Variants in SLC24A1 observed in about 807,000 individuals in gnomAD.
SLC24A1 encodes solute carrier family 24 member 1.
In SLC24A1, 52 loss-of-function variants were observed where a neutral mutation model predicts 88.1. That is an observed-to-expected ratio of 0.59 (90% CI 0.47 to 0.74). The LOEUF (loss-of-function observed/expected upper bound fraction) is 0.74. SLC24A1 is among the 30% of genes least tolerant of loss of function. The probability of loss-of-function intolerance (pLI) is 0.00; values close to 1 mark genes in which losing one functional copy is unlikely to be tolerated. For missense variants in SLC24A1, 1,173 were observed against 1,363.3 expected, an observed-to-expected ratio of 0.86 and a Z score of 2.20; for synonymous variants, 455 against 498.0, an observed-to-expected ratio of 0.91 and a Z score of 1.15.
rs2075442299 is a variant in SLC24A1 at position 65,650,062 on chromosome 15, G to A, written c.2233-320G>A. Among the ~76,000 whole-genome samples the A allele has an allele frequency of 6.6e-6, 1 of 152,182 alleles. No homozygotes were observed. The highest frequency in any genetic ancestry group is 1.5e-5 in the Non-Finnish European group (1 of 68,032). On this transcript the variant is annotated intron_variant, in intron 6 of 9. Coordinates refer to ENST00000261892, the MANE Select transcript of SLC24A1 (RefSeq NM_004727.3). This position sits in a 1 kb window ranked among gnomAD's most constrained non-coding sequence, Gnocchi z 4.1. ...TCATGGAAGACTGATGTTTTGTAAG[G>A]CATCAAAGAGTAAACCTATACATGG...
At position 65,654,777 on chromosome 15, in the gene SLC24A1, C is replaced by A; in HGVS notation, c.*698C>A. The A allele has an allele frequency of 9.3e-7, 1 of 1,078,640 alleles. No homozygotes were observed. 66.8% of individuals were successfully genotyped at this position (1,078,640 alleles called of 1,614,324 possible). A position where few individuals can be genotyped will look rare whatever the true frequency, so the allele number is the denominator to read the frequency against. On this transcript the variant is annotated 3_prime_UTR_variant, in exon 10 of 10. Transcript: ENST00000261892. ...CTGGTGTGCAATGGCGTGATCTCGG[C>A]ACACCACAACCTTCACCTCCCCGGT...
intron 2 of SLC24A1, 31 bp downstream of exon 2, chr15:65,626,001 C>A (rs1176969082): frequency 6.6e-7 from 1 of 1,525,976 alleles, no homozygotes; most frequent in Admixed American, 1.7e-5. Context: ...GTTTCTCTAG[C>A]CCCTTTGAGA....
At chr15:65,653,446 G>C (rs192432528) in intron 9 of SLC24A1, among the ~76,000 whole-genome samples, 1 of 151,280 alleles carries the variant, frequency 6.6e-6, no homozygotes, top group South Asian at 2.1e-4. Flanking sequence ...AAAATGTAGA[G>C]ATTTAAGAGT....
chr15:65,621,234 G>A (rs939550945), upstream of SLC24A1, among the ~76,000 whole-genome samples: 1 of 152,198 alleles, frequency 6.6e-6, no homozygotes, highest in African/African-American at 2.4e-5. Flanking sequence ...GATTGAAAGG[G>A]CTTCCAGATC....
chr15:65,634,737 C>A (rs1275021032), intron 2 of SLC24A1, among the ~76,000 whole-genome samples: 7 of 48,184 alleles, frequency 1.5e-4, no homozygotes, highest in Non-Finnish European at 2.0e-4. Context: ...AAATCAAAAG[C>A]ACCAAAAAAA....
intron 8 of SLC24A1, chr15:65,652,351 G>A: frequency 3.0e-6 from 1 of 331,610 alleles, no homozygotes; most frequent in South Asian, 4.3e-5. Flanking sequence ...GGGGAGGTAG[G>A]GGTGTTAAGA....
rs2074135055 is a variant in SLC24A1 at position 65,616,102 on chromosome 15, C to T, written c.-227-2778C>T. The stretch of plus-strand genomic sequence containing the variant: ...CATAGTATTCCATGGTGTATATGTG[C>T]CACATTTTCTTAATCCAGTCTATCA... On this transcript the variant is annotated intron_variant, in intron 2 of 11. Coordinates refer to the SLC24A1 transcript ENST00000537259. 2.0e-5 allele frequency among the ~76,000 whole-genome samples: 3 copies of T among 151,956 alleles called. No homozygotes were observed. In the South Asian group the frequency reaches 6.2e-4, roughly 32 times the overall value.
chr15:65,628,026 T>G (rs2074579004), intron 2 of SLC24A1, among the ~76,000 whole-genome samples: 1 of 152,074 alleles, frequency 6.6e-6, no homozygotes, highest in South Asian at 2.1e-4. Context: ...ACTGGTGCAC[T>G]CATAGCTCAC....
chr15:65,628,527 C>G (rs1300944909), intron 2 of SLC24A1, among the ~76,000 whole-genome samples: 2 of 152,196 alleles, frequency 1.3e-5, no homozygotes, highest in African/African-American at 4.8e-5. Context: ...TACGGAGAGC[C>G]TATTCCATAC....
intron 4 of SLC24A1, 127 bp from the exon 5 acceptor site, chr15:65,644,300 C>G (rs1301495418): frequency 9.7e-6 from 7 of 718,040 alleles, no homozygotes; most frequent in Non-Finnish European, 1.8e-5. Flanking sequence ...GTCACAACCC[C>G]CATGGCAGCC....
chr15:65,612,755 C>T (rs2074003450), intron 2 of SLC24A1: 2 of 152,206 alleles, frequency 1.3e-5, no homozygotes, highest in African/African-American at 2.4e-5. Flanking sequence ...TTACTGTCCT[C>T]GTGGTAATTC....
Position 65,625,712 on chromosome 15 carries a change from C to T in SLC24A1, c.1632C>T (p.Ser544=), listed in dbSNP as rs1282167810. Reference sequence around the variant, plus strand: ...TTCTCTTTGTCATTGGCACTTGTTCCCTCTTCTCCCGAGAGATCCTCAACC... The same window carrying T: ...TTCTCTTTGTCATTGGCACTTGTTCTCTCTTCTCCCGAGAGATCCTCAACC... ...FNILFVIGTC[S]LFSREILNLT... Residue 544 remains serine (S), a synonymous_variant, in exon 2 of 10, where the codon TCC becomes TCT. Coordinates refer to ENST00000261892, the MANE Select transcript of SLC24A1 (RefSeq NM_004727.3). 1.2e-6 allele frequency: 2 copies of T among 1,613,902 alleles called. No homozygotes were observed. Among genetic ancestry groups the T allele is most frequent in the South Asian group, 1.1e-5 (1 of 91,084 alleles).
chr15:65,639,774 C>A (rs2075063604), intron 4 of SLC24A1, 71 bp downstream of exon 4: 1 of 989,520 alleles, frequency 1.0e-6, no homozygotes, highest in African/African-American at 1.6e-5. Flanking sequence ...TGGAGAAGAA[C>A]TGGGACCTGA....
At chr15:65,640,153 G>T (rs1182753137) in intron 4 of SLC24A1, among the ~76,000 whole-genome samples, 3 of 152,152 alleles carry the variant, frequency 2.0e-5, no homozygotes, top group Non-Finnish European at 4.4e-5. Context: ...GACGCCTCTT[G>T]TAGGGTCCCA....
downstream of SLC24A1, among the ~76,000 whole-genome samples, chr15:65,656,982 G>C (rs984836371): frequency 6.6e-6 from 1 of 152,068 alleles, no homozygotes; most frequent in East Asian, 1.9e-4. Flanking sequence ...CGATCCTCCC[G>C]CCTCAGCCCC....
intron 2 of SLC24A1, among the ~76,000 whole-genome samples, chr15:65,627,897 C>T (rs761207072): frequency 1.3e-5 from 2 of 152,328 alleles, no homozygotes; most frequent in African/African-American, 2.4e-5. Flanking sequence ...TTAGTAGCAA[C>T]TCCTTGCCAA....
chr15:65,658,244 A>G (rs958442797), downstream of SLC24A1: 2 of 152,270 alleles, frequency 1.3e-5, no homozygotes, highest in African/African-American at 4.8e-5. Flanking sequence ...GACACCAAGT[A>G]CTAAGGATAT....
chr15:65,611,576 C>T (rs1223361123), exon 1 of SLC24A1: 2 of 232,160 alleles, frequency 8.6e-6, no homozygotes, highest in Non-Finnish European at 1.7e-5. Flanking sequence ...TTCCTCGTCA[C>T]TCTTTAGCCC....
intron 6 of SLC24A1, among the ~76,000 whole-genome samples, chr15:65,648,317 C>T (rs1220460102): frequency 6.6e-6 from 1 of 152,112 alleles, no homozygotes; most frequent in East Asian, 1.9e-4. Flanking sequence ...GAGACTCACT[C>T]AACATCCTTT....
Sources: gnomAD v4.1 joint callset for allele counts (sites outside exome capture counted in the v4.1 genomes callset) on GRCh38, gnomAD v4.1.1 for gene constraint, Gnocchi (gnomAD v3.1) non-coding constraint, MANE v1.5 for transcripts, NCBI Gene and HGNC (gene_info 2026-07-23, HGNC 2026-07-21) for gene names.